Variants in FILIP1L observed in about 807,000 individuals in gnomAD.
FILIP1L encodes filamin A-interacting protein 1-like.
FILIP1L carries 55 observed loss-of-function variants against 96.6 expected under a neutral mutation model. The observed-to-expected ratio is 0.57, with a 90% confidence interval of 0.46 to 0.71. The LOEUF (loss-of-function observed/expected upper bound fraction) is 0.71. FILIP1L is among the 30% of genes least tolerant of loss of function. The pLI is 0.00. For missense variants in FILIP1L, 1,304 were observed against 1,321.2 expected (o/e 0.99, Z 0.20); for synonymous variants, 467 against 473.9 (o/e 0.99, Z 0.19).
intron 1 of FILIP1L, among the ~76,000 whole-genome samples, chr3:100,101,850 T>C (rs958608323): frequency 1.3e-5 from 2 of 152,154 alleles, no homozygotes; most frequent in Non-Finnish European, 2.9e-5. Context: ...AATTCCCACC[T>C]ACGAGTGAGA....
At chr3:100,061,973 A>G (rs952756727) in intron 1 of FILIP1L, among the ~76,000 whole-genome samples, 5 of 151,984 alleles carry the variant, frequency 3.3e-5, no homozygotes, top group African/African-American at 1.2e-4. Flanking sequence ...AACCAAGACT[A>G]CTACCCATCT....
chr3:99,977,052 C>G (rs1421609804), intron 1 of FILIP1L, among the ~76,000 whole-genome samples: 1 of 152,192 alleles, frequency 6.6e-6, no homozygotes, highest in Non-Finnish European at 1.5e-5. Flanking sequence ...TTCTTAACTA[C>G]TAATAGCACC....
intron 1 of FILIP1L, among the ~76,000 whole-genome samples, chr3:99,991,412 G>A (rs1709506139): frequency 6.6e-6 from 1 of 151,884 alleles, no homozygotes; most frequent in Non-Finnish European, 1.5e-5. Flanking sequence ...AATATATGAA[G>A]TGATTTTATA....
chr3:99,856,811 A>G (rs1943988106), intron 4 of FILIP1L, among the ~76,000 whole-genome samples: 1 of 152,162 alleles, frequency 6.6e-6, no homozygotes, highest in South Asian at 2.1e-4. Context: ...ATGTGTGCCT[A>G]TATTTTATCT....
At chr3:100,111,088 C>G (rs1326358531) in intron 1 of FILIP1L, among the ~76,000 whole-genome samples, 1 of 152,054 alleles carries the variant, frequency 6.6e-6, no homozygotes, top group Admixed American at 6.6e-5. Context: ...CTTCATCATT[C>G]CACCCAAAAA....
At chr3:99,935,865 GC>G (rs1707649156) in intron 1 of FILIP1L, among the ~76,000 whole-genome samples, 1 of 152,218 alleles carries the variant, frequency 6.6e-6, no homozygotes, top group Non-Finnish European at 1.5e-5. Context: ...ATGTGTCCAT[GC>G]AAGAGGACTA....
intron 1 of FILIP1L, among the ~76,000 whole-genome samples, chr3:99,976,066 G>A (rs1247453639): frequency 2.0e-5 from 3 of 151,986 alleles, no homozygotes; most frequent in Non-Finnish European, 4.4e-5. Context: ...TGTATTTTTA[G>A]TAGAGACGAG....
In FILIP1L at chr3:99,848,575, A is replaced by G; in HGVS notation, c.3101T>C (p.Val1034Ala). Residue 1034 changes from valine (V) to alanine (A), a missense_variant, in exon 5 of 6, where the codon GTC becomes GCC. Coordinates refer to ENST00000477258, the MANE Select transcript of FILIP1L (RefSeq NM_001387850.1). ...CCATGATGACTGCCGGTCTGGGGAG[A>G]CTCTGAATATCGCATGCTTGGCACT... ...EISAKHAIFR[V>A]SPDRQSSWQF... 6.2e-7 allele frequency: 1 copy of G among 1,613,808 alleles called. No individual in the cohort carries two copies. The highest frequency in any genetic ancestry group is 1.1e-5 in the South Asian group (1 of 91,048).
intron 4 of FILIP1L, among the ~76,000 whole-genome samples, chr3:99,908,153 A>G (rs1043190334): frequency 1.3e-5 from 2 of 152,204 alleles, no homozygotes; most frequent in Non-Finnish European, 2.9e-5. Context: ...TATCACTTTC[A>G]TCTTCCATAA....
At chr3:99,934,204 A>T (rs1326113221) in intron 1 of FILIP1L, among the ~76,000 whole-genome samples, 1 of 152,224 alleles carries the variant, frequency 6.6e-6, no homozygotes, top group Non-Finnish European at 1.5e-5. Context: ...GTCAGCCCAG[A>T]TTCAAGATTG....
chr3:99,978,438 G>T (rs1325722292), intron 1 of FILIP1L, among the ~76,000 whole-genome samples: 6 of 152,174 alleles, frequency 3.9e-5, no homozygotes, highest in Non-Finnish European at 1.5e-5. Context: ...CTACACAATG[G>T]AATACTAGTC....
intron 1 of FILIP1L, among the ~76,000 whole-genome samples, chr3:100,008,993 G>A (rs1710067185): frequency 6.6e-6 from 1 of 152,212 alleles, no homozygotes; most frequent in Non-Finnish European, 1.5e-5. Context: ...CATATGCAAC[G>A]ATAGTTTTAG....
At chr3:99,961,216 C>A (rs1025456882) in intron 1 of FILIP1L, among the ~76,000 whole-genome samples, 2 of 152,124 alleles carry the variant, frequency 1.3e-5, no homozygotes, top group African/African-American at 4.8e-5. Flanking sequence ...GGAGAATGCC[C>A]GAGGGGATCC....
intron 1 of FILIP1L, among the ~76,000 whole-genome samples, chr3:100,031,870 T>G (rs2065027619): frequency 6.6e-6 from 1 of 152,204 alleles, no homozygotes; most frequent in Admixed American, 6.5e-5. Context: ...TAGTAACTAC[T>G]AAACTAGGTC....
At chr3:99,954,914 G>A (rs1297300261) in intron 1 of FILIP1L, among the ~76,000 whole-genome samples, 1 of 152,130 alleles carries the variant, frequency 6.6e-6, no homozygotes, top group African/African-American at 2.4e-5. Flanking sequence ...CACCACGTCT[G>A]GCATAAAATA....
chr3:100,037,960 G>T lies in FILIP1L; in HGVS notation c.-11+76093C>A, dbSNP rs1168121931. ...TTTTCTTTTTTTTTTTTTTTTTGGG[G>T]GGGGAGGGAACAGAGTCTCAAATCT... On this transcript the variant is annotated intron_variant, in intron 1 of 5. Coordinates refer to ENST00000477258, the MANE Select transcript of FILIP1L (RefSeq NM_001387850.1). Among the ~76,000 whole-genome samples, 128 of 129,430 alleles carry T rather than the reference G, an allele frequency of 9.9e-4. 1 individual carries two copies. Among genetic ancestry groups the T allele is most frequent in the Non-Finnish European group, 1.7e-3 (106 of 61,064 alleles). The allele number at this position is 129,430 out of a possible 152,430, so 84.9% of individuals were successfully genotyped here. A position where few individuals can be genotyped will look rare whatever the true frequency, so the allele number is the denominator to read the frequency against.
intron 1 of FILIP1L, among the ~76,000 whole-genome samples, chr3:100,107,234 A>T (rs1202568471): frequency 6.6e-6 from 1 of 152,170 alleles, no homozygotes; most frequent in African/African-American, 2.4e-5. Flanking sequence ...AACTGTCCAG[A>T]TGTAGATGGG....
chr3:100,037,019 A>G (rs2065119159), intron 1 of FILIP1L, among the ~76,000 whole-genome samples: 1 of 152,238 alleles, frequency 6.6e-6, no homozygotes, highest in Non-Finnish European at 1.5e-5. Flanking sequence ...ATTTCAGATT[A>G]AAAGAAACCA....
chr3:99,850,896 G>T lies in FILIP1L; in HGVS notation c.780C>A (p.Ile260=). 6.2e-7 allele frequency: 1 copy of T among 1,614,132 alleles called. No homozygotes were observed. The highest frequency in any genetic ancestry group is 8.5e-7 in the Non-Finnish European group (1 of 1,180,024). The change falls in exon 5 of 6, where the codon ATC becomes ATA. Residue 260 remains isoleucine (I), a synonymous_variant. Transcript: ENST00000477258. The part of the protein sequence containing the change: ...TAQLTLQRQK[I]QELTTNAKET... The stretch of plus-strand genomic sequence containing the variant: ...CCTTTGCATTTGTGGTCAGCTCTTG[G>T]ATTTTCTGTCTTTGAAGGGTGAGCT...
Sources: gnomAD v4.1 joint callset for allele counts (sites outside exome capture counted in the v4.1 genomes callset) on GRCh38, gnomAD v4.1.1 for gene constraint, MANE v1.5 for transcripts, NCBI Gene and HGNC (gene_info 2026-07-23, HGNC 2026-07-21) for gene names.